The following DPP10 variants were observed in gnomAD, a reference collection of about 807,000 sequenced individuals.
DPP10 encodes the protein inactive dipeptidyl peptidase 10.
DPP10 carries 33 observed loss-of-function variants against 120.9 expected under a neutral mutation model. The ratio of observed to expected loss-of-function variants is 0.27; its 90% CI spans 0.21 to 0.37. DPP10 has a LOEUF of 0.37. Among genes scored for constraint, DPP10 ranks in the 10% least tolerant of loss-of-function variants. The pLI is 1.00. For synonymous variants in DPP10, 337 were observed against 326.1 expected, an observed-to-expected ratio of 1.03 and a Z score of -0.36; for missense variants, 816 against 942.8, an observed-to-expected ratio of 0.87 and a Z score of 1.76.
intron 1 of DPP10, among the ~76,000 whole-genome samples, chr2:114,586,343 T>A (rs1386598019): frequency 6.6e-6 from 1 of 152,150 alleles, no homozygotes; most frequent in African/African-American, 2.4e-5. Context: ...ACCCTTGATA[T>A]TTGCCATATA....
At chr2:115,314,948 A>C (rs1470455459) in intron 2 of DPP10, among the ~76,000 whole-genome samples, 1 of 152,148 alleles carries the variant, frequency 6.6e-6, no homozygotes, top group Non-Finnish European at 1.5e-5. Flanking sequence ...GCACACAATC[A>C]ACTCATTTAA....
At chr2:115,354,452 G>GT (rs1473401903) in intron 3 of DPP10, among the ~76,000 whole-genome samples, 2 of 151,792 alleles carry the variant, frequency 1.3e-5, no homozygotes, top group South Asian at 2.1e-4. Context: ...TTTAGTTTTA[G>GT]TTTTTTTGTT....
intron 5 of DPP10, among the ~76,000 whole-genome samples, chr2:115,682,499 G>A (rs1044039868): frequency 1.3e-5 from 2 of 151,824 alleles, no homozygotes; most frequent in Non-Finnish European, 2.9e-5. Flanking sequence ...AATTCTAAGA[G>A]CAATTTAAAG....
intron 1 of DPP10, among the ~76,000 whole-genome samples, chr2:114,787,529 T>C (rs547515510): frequency 6.6e-6 from 1 of 152,358 alleles, no homozygotes; most frequent in African/African-American, 2.4e-5. Context: ...TTGAATATTA[T>C]TTGGATTCCT....
chr2:115,432,903 T>C (rs371065625), intron 3 of DPP10, among the ~76,000 whole-genome samples: 2 of 151,992 alleles, frequency 1.3e-5, no homozygotes, highest in Non-Finnish European at 2.9e-5. Flanking sequence ...AGTGCCAAGA[T>C]TGAGAAATCG....
intron 4 of DPP10, 45 bp downstream of exon 4, chr2:115,499,649 T>C (rs2076581722): frequency 7.0e-7 from 1 of 1,437,932 alleles, no homozygotes; most frequent in East Asian, 2.3e-5. Context: ...CAGTACTGTT[T>C]AGAAAGCTCT....
At chr2:114,682,788 C>T (rs995758204) in intron 1 of DPP10, among the ~76,000 whole-genome samples, 4 of 151,542 alleles carry the variant, frequency 2.6e-5, no homozygotes, top group Admixed American at 2.6e-4. Flanking sequence ...ATCTATCTAT[C>T]TATCTATCTA....
intron 1 of DPP10, among the ~76,000 whole-genome samples, chr2:114,803,482 T>G (rs1684448463): frequency 6.6e-6 from 1 of 152,188 alleles, no homozygotes; most frequent in South Asian, 2.1e-4. Flanking sequence ...TTTTGGAACT[T>G]CCTAGAGACT....
rs537740624 is a variant in DPP10 at position 114,941,050 on chromosome 2, G to A, written c.61-368189G>A. ...ACTCTCAATGCTAAATCACATTACC[G>A]AATACTTTTTTCTTAGAACTTGTTT... On this transcript the variant is annotated intron_variant, in intron 1 of 25. Transcript: ENST00000410059. 4.6e-5 allele frequency among the ~76,000 whole-genome samples: 7 copies of A among 152,248 alleles called. No homozygotes were observed. In the East Asian group the frequency reaches 1.2e-3, roughly 25 times the overall value.
At chr2:115,777,476 G>A (rs908296862) in intron 14 of DPP10, among the ~76,000 whole-genome samples, 177 bp downstream of exon 14, 1 of 151,846 alleles carries the variant, frequency 6.6e-6, no homozygotes, top group African/African-American at 2.4e-5. Context: ...TACACAGAGG[G>A]ATGTGTGTGT....
intron 1 of DPP10, among the ~76,000 whole-genome samples, chr2:114,444,680 A>G (rs1201637268): frequency 1.3e-5 from 2 of 152,186 alleles, no homozygotes; most frequent in Non-Finnish European, 2.9e-5. Context: ...AATGAAAAGT[A>G]TCATAAAAAT....
chr2:114,996,982 A>G (rs1342843676), intron 1 of DPP10, among the ~76,000 whole-genome samples: 1 of 136,872 alleles, frequency 7.3e-6, no homozygotes, highest in Non-Finnish European at 1.6e-5. Context: ...CTCCATCTCA[A>G]AAAAAAAAAA....
At chr2:115,728,404 G>C (rs900536684) in intron 8 of DPP10, among the ~76,000 whole-genome samples, 3 of 151,812 alleles carry the variant, frequency 2.0e-5, no homozygotes, top group Admixed American at 6.6e-5. Flanking sequence ...CCCACATAAA[G>C]AGTTATTTTC....
chr2:115,106,050 G>A (rs1344267160), intron 1 of DPP10, among the ~76,000 whole-genome samples: 2 of 152,138 alleles, frequency 1.3e-5, no homozygotes, highest in Non-Finnish European at 2.9e-5. Flanking sequence ...TCCTACTACT[G>A]AAGACATGAA....
At chr2:115,330,043 C>A (rs2062616626) in intron 2 of DPP10, among the ~76,000 whole-genome samples, 1 of 152,108 alleles carries the variant, frequency 6.6e-6, no homozygotes, top group Non-Finnish European at 1.5e-5. Context: ...AACTAGTTTG[C>A]AGTCCCACCA....
At chr2:115,108,946 G>A (rs1199022983) in intron 1 of DPP10, among the ~76,000 whole-genome samples, 2 of 152,140 alleles carry the variant, frequency 1.3e-5, no homozygotes, top group Non-Finnish European at 2.9e-5. Flanking sequence ...GGCCCCTGCT[G>A]TATCAGATGT....
At chr2:115,436,400 AT>A (rs35110815) in intron 3 of DPP10, among the ~76,000 whole-genome samples, 7 of 150,096 alleles carry the variant, frequency 4.7e-5, no homozygotes, top group Admixed American at 1.3e-4. Context: ...TTGCAAAAAG[AT>A]TTTTTTTTTA....
chr2:115,219,758 A>G (rs2057038221), intron 1 of DPP10, among the ~76,000 whole-genome samples: 1 of 152,214 alleles, frequency 6.6e-6, no homozygotes, highest in Non-Finnish European at 1.5e-5. Flanking sequence ...AGACTAGCCA[A>G]CATCTCACAG....
At chr2:115,245,218 C>G (rs763378865) in intron 1 of DPP10, among the ~76,000 whole-genome samples, 1 of 151,904 alleles carries the variant, frequency 6.6e-6, no homozygotes. Context: ...TGTATATATT[C>G]CCCATCTTCT....
Sources: allele counts gnomAD v4.1 joint callset (sites outside exome capture counted in the v4.1 genomes callset), GRCh38; gene constraint gnomAD v4.1.1; transcripts MANE v1.5; gene names NCBI Gene and HGNC (gene_info 2026-07-23, HGNC 2026-07-21).